SPAG1: variants seen among roughly 807,000 people sequenced by gnomAD.
The protein encoded by SPAG1 is sperm associated antigen 1, also known as sperm-associated antigen 1.
Under a neutral mutation model 100.5 loss-of-function variants are expected in SPAG1, and 69 were observed. That is an observed-to-expected ratio of 0.69 (90% confidence interval 0.57 to 0.84). SPAG1 has a LOEUF of 0.84. SPAG1 is among the 40% of genes least tolerant of loss of function. SPAG1 has a pLI of 0.00. For synonymous variants in SPAG1, 336 were observed against 411.6 expected, an observed-to-expected ratio of 0.82 and a Z score of 2.22; for missense variants, 955 against 1,133.1, an observed-to-expected ratio of 0.84 and a Z score of 2.26.
At chr8:100,191,849 C>T (rs1254391524) in intron 9 of SPAG1, among the ~76,000 whole-genome samples, 1 of 152,082 alleles carries the variant, frequency 6.6e-6, no homozygotes, top group East Asian at 1.9e-4. Context: ...GAGTGTTTCT[C>T]TTTGTAATGA....
At chr8:100,187,648 C>T (rs1293736752) in intron 8 of SPAG1, among the ~76,000 whole-genome samples, 1 of 151,734 alleles carries the variant, frequency 6.6e-6, no homozygotes, top group African/African-American at 2.4e-5. Flanking sequence ...CTGGGCAACA[C>T]AGCAAAACTC....
At chr8:100,163,916 T>G (rs1815429918) in intron 2 of SPAG1, among the ~76,000 whole-genome samples, 2 of 152,224 alleles carry the variant, frequency 1.3e-5, no homozygotes, top group African/African-American at 2.4e-5. Context: ...AGAAATTTTA[T>G]GAATAGCCTA....
intron 7 of SPAG1, 109 bp downstream of exon 7, chr8:100,184,842 A>C: frequency 1.5e-6 from 1 of 654,016 alleles, no homozygotes; most frequent in Non-Finnish European, 2.6e-6. Context: ...CTCTCAATGT[A>C]TTGTACTTGT....
intron 10 of SPAG1, 29 bp downstream of exon 10, chr8:100,194,297 TA>T (rs1257432333): frequency 1.3e-6 from 2 of 1,596,892 alleles, no homozygotes; most frequent in Non-Finnish European, 1.7e-6. Flanking sequence ...TTAGGTTATG[TA>T]AAAAGCTGCC....
At chr8:100,189,660 A>G (rs1816734523) in intron 8 of SPAG1, among the ~76,000 whole-genome samples, 1 of 152,208 alleles carries the variant, frequency 6.6e-6, no homozygotes, top group Non-Finnish European at 1.5e-5. Context: ...GTTTCAAAAA[A>G]AATAAATAAA....
Position 100,213,378 on chromosome 8 carries a change from C to T in SPAG1, c.1385C>T (p.Ala462Val). ...GNELFRSGQFAEAAGKYSAAI... is the reference protein window; with the variant it reads ...GNELFRSGQFVEAAGKYSAAI... ...GAGCTGTTCCGAAGCGGGCAGTTCG[C>T]CGAGGCGGCCGGCAAGTACTCGGCG... The change falls in exon 11 of 19, where the codon GCC becomes GTC. Residue 462 changes from alanine to valine, a missense_variant. Ala to Val is a moderately conservative substitution (Grantham distance 64). Transcript: ENST00000388798. 1 of 1,451,418 alleles carries T rather than the reference C, an allele frequency of 6.9e-7. No homozygotes were observed. The highest frequency in any genetic ancestry group is 9.1e-7 in the Non-Finnish European group (1 of 1,100,534). The allele number at this position is 1,451,418 out of a possible 1,614,324, so 89.9% of individuals were successfully genotyped here. A position where few individuals can be genotyped will look rare whatever the true frequency, so the allele number is the denominator to read the frequency against.
chr8:100,183,310 T>C, intron 4 of SPAG1, 65 bp from the exon 5 acceptor site: 1 of 770,342 alleles, frequency 1.3e-6, no homozygotes, highest in East Asian at 2.8e-5. Context: ...TTCCATTGCA[T>C]TTACAGTAAA....
At chr8:100,229,536 C>T (rs1293957565) in intron 14 of SPAG1, among the ~76,000 whole-genome samples, 1 of 152,212 alleles carries the variant, frequency 6.6e-6, no homozygotes, top group Non-Finnish European at 1.5e-5. Context: ...GCCATGTGCC[C>T]ATCCCTGAGC....
intron 16 of SPAG1, among the ~76,000 whole-genome samples, chr8:100,235,123 G>C (rs556392902): frequency 6.6e-6 from 1 of 152,280 alleles, no homozygotes; most frequent in South Asian, 2.1e-4. Flanking sequence ...GTTAATAGGG[G>C]TGGTCTCTTC....
chr8:100,163,753 T>A (rs1042098461), intron 2 of SPAG1, among the ~76,000 whole-genome samples: 5 of 152,228 alleles, frequency 3.3e-5, no homozygotes, highest in Non-Finnish European at 7.3e-5. Context: ...TCATCATTTT[T>A]AAAATGGAAA....
In SPAG1 at chr8:100,225,306, G is replaced by C; in HGVS notation, c.1822G>C (p.Asp608His). 6.2e-7 allele frequency: 1 copy of C among 1,613,862 alleles called. No individual in the cohort carries two copies. The highest frequency in any genetic ancestry group is 8.5e-7 in the Non-Finnish European group (1 of 1,180,010). ...AKEMISKQAG[D>H]SSSHRQQGIT... ...AGAGATGATCTCAAAACAAGCAGGA[G>C]ACTCCAGCAGCCATCGCCAGCAGGG... is the stretch of plus-strand genomic sequence containing the variant. Residue 608 changes from aspartate to histidine, a missense_variant, in exon 14 of 19, where the codon GAC (aspartate) becomes CAC (histidine). By Grantham distance (81) the Asp-to-His change is moderately conservative. Coordinates refer to ENST00000388798, the MANE Select transcript of SPAG1 (RefSeq NM_003114.5).
At chr8:100,196,785 GTT>G (rs1817049977) in intron 10 of SPAG1, among the ~76,000 whole-genome samples, 1 of 151,920 alleles carries the variant, frequency 6.6e-6, no homozygotes, top group Admixed American at 6.6e-5. Flanking sequence ...TTTCTTGTAA[GTT>G]TTTCTTTTTC....
At chr8:100,209,831 T>A (rs1817648549) in intron 10 of SPAG1, among the ~76,000 whole-genome samples, 2 of 152,078 alleles carry the variant, frequency 1.3e-5, no homozygotes, top group African/African-American at 2.4e-5. Flanking sequence ...GGCTTGTTGA[T>A]CTTATACCCT....
At chr8:100,217,774 C>T (rs912796909) in intron 12 of SPAG1, among the ~76,000 whole-genome samples, 10 of 151,794 alleles carry the variant, frequency 6.6e-5, no homozygotes, top group South Asian at 6.2e-4. Flanking sequence ...TCTCCTTTTT[C>T]GTTTTTCTTT....
intron 18 of SPAG1, 29 bp downstream of exon 18, chr8:100,240,800 A>T (rs1289877299): frequency 4.5e-6 from 7 of 1,566,520 alleles, no homozygotes; most frequent in Non-Finnish European, 6.0e-6. Flanking sequence ...TATTAGTAGA[A>T]ATTGGTTTTA....
Position 100,240,784 on chromosome 8 carries a change from GTATTT to G in SPAG1, c.2649+18_2649+22del, listed in dbSNP as rs773980453. ...AGAAAGGTTTAAGGTAAGTGGCTAA[GTATTT>G]TATTAGTAGAAATTGGTTTTATTAG... On this transcript the variant is annotated intron_variant, in intron 18 of 18. Transcript: ENST00000388798. The G allele has an allele frequency of 3.8e-6, 6 of 1,568,900 alleles. No individual in the cohort carries two copies. Among genetic ancestry groups the G allele is most frequent in the Middle Eastern group, 1.7e-4 (1 of 5,822 alleles).
chr8:100,179,293 G>T (rs1182196713), intron 4 of SPAG1, among the ~76,000 whole-genome samples: 1 of 152,200 alleles, frequency 6.6e-6, no homozygotes, highest in African/African-American at 2.4e-5. Context: ...TGAGGCAGGA[G>T]AATCGCTTGA....
chr8:100,240,114 AAAG>A (rs1819189214), intron 17 of SPAG1, among the ~76,000 whole-genome samples: 1 of 152,196 alleles, frequency 6.6e-6, no homozygotes, highest in South Asian at 2.1e-4. Flanking sequence ...TTTATTGTGA[AAAG>A]GAGATAAAAT....
At chr8:100,226,169 G>T (rs781095741) in intron 14 of SPAG1, among the ~76,000 whole-genome samples, 2 of 151,916 alleles carry the variant, frequency 1.3e-5, no homozygotes, top group Non-Finnish European at 2.9e-5. Flanking sequence ...GCTAATTTTT[G>T]TATTTTTAGT....
Sources: allele counts gnomAD v4.1 joint callset (sites outside exome capture counted in the v4.1 genomes callset), GRCh38; gene constraint gnomAD v4.1.1; transcripts MANE v1.5; gene names NCBI Gene and HGNC (gene_info 2026-07-23, HGNC 2026-07-21).